Variants in MORF4L1 observed in about 807,000 individuals in gnomAD.
The protein encoded by MORF4L1 is mortality factor 4 like 1.
A neutral mutation model predicts 52.9 loss-of-function variants in MORF4L1; 4 were observed. The ratio of observed to expected loss-of-function variants is 0.08; its 90% CI spans 0.04 to 0.17. The LOEUF is 0.17. MORF4L1 is among the 10% of genes least tolerant of loss of function. The pLI is 1.00. For missense variants in MORF4L1, 214 were observed against 390.4 expected, an observed-to-expected ratio of 0.55 and a Z score of 3.81; for synonymous variants, 123 against 134.8, an observed-to-expected ratio of 0.91 and a Z score of 0.61.
chr15:78,896,308 CTTTTT>C (rs71148578), intron 11 of MORF4L1, among the ~76,000 whole-genome samples: 1 of 81,442 alleles, frequency 1.2e-5, no homozygotes, highest in Non-Finnish European at 2.3e-5. Context: ...CTTTTCTTTT[CTTTTT>C]TTTTTTTTTT....
At chr15:78,873,116 G>T in intron 1 of MORF4L1, 59 bp downstream of exon 1, 1 of 1,547,204 alleles carries the variant, frequency 6.5e-7, no homozygotes. Context: ...AGGCGGGCTC[G>T]AGGTGATTGA....
At chr15:78,885,019 A>G (rs1235918769) in intron 3 of MORF4L1, 4 of 1,614,146 alleles carry the variant, frequency 2.5e-6, no homozygotes, top group South Asian at 1.1e-5. Context: ...ACATGAGGAT[A>G]TTGTAGCCCT....
At position 78,872,916 on chromosome 15, in the gene MORF4L1, C is replaced by A. The variant is rs528099592; in HGVS notation, c.-102C>A. 13 of 1,496,964 alleles carry A rather than the reference C, an allele frequency of 8.7e-6. No homozygotes were observed. The South Asian group carries it at 1.5e-4, about 18-fold the overall frequency. 92.7% of individuals were successfully genotyped at this position (1,496,964 alleles called of 1,614,324 possible). ...AATCCGGCCCAGGATGTAGAGCTGG[C>A]AGTGCCTGACGGCGCGTCTGACGCG... is the stretch of plus-strand genomic sequence containing the variant. On this transcript the variant is annotated 5_prime_UTR_variant, in exon 1 of 12. Transcript: ENST00000426013.
chr15:78,878,798 TA>T (rs754996997), intron 2 of MORF4L1, among the ~76,000 whole-genome samples: 1 of 151,974 alleles, frequency 6.6e-6, no homozygotes, highest in Non-Finnish European at 1.5e-5. Context: ...CATTCCAAAG[TA>T]AAAAAAAGTT....
At chr15:78,884,866 A>G (rs1416663421) in intron 3 of MORF4L1, 1 of 658,934 alleles carries the variant, frequency 1.5e-6, no homozygotes, top group Non-Finnish European at 2.4e-6. Context: ...ATTTGTTGAC[A>G]CACACTTAAA....
At chr15:78,879,941 T>C (rs1057058043) in intron 2 of MORF4L1, among the ~76,000 whole-genome samples, 1 of 152,230 alleles carries the variant, frequency 6.6e-6, no homozygotes, top group Admixed American at 6.5e-5. Flanking sequence ...ATTAAACTGT[T>C]GTGGTTATTT....
At chr15:78,895,973 A>T (rs558683859) in intron 11 of MORF4L1, among the ~76,000 whole-genome samples, 87 of 146,090 alleles carry the variant, frequency 6.0e-4, no homozygotes, top group Non-Finnish European at 1.2e-3. Context: ...TTATGTAATT[A>T]AAAAAAAAAA....
Position 78,878,254 on chromosome 15 carries a change from GCAA to G in MORF4L1, c.83_85del (p.Ala28_Lys29delinsGlu). On this transcript the variant is annotated inframe_deletion and splice_region_variant, in exon 2 of 12. Coordinates refer to ENST00000426013, the MANE Select transcript of MORF4L1 (RefSeq NM_006791.4). Reference sequence around the variant, plus strand: ...CTTTCATGGGCCTCTTCTTTATGAAGCAAAGGTATGAAACTTGTTTTCTTTTGA... The same window carrying G: ...CTTTCATGGGCCTCTTCTTTATGAAGAGGTATGAAACTTGTTTTCTTTTGA... 6.2e-7 allele frequency: 1 copy of G among 1,611,396 alleles called. No homozygotes were observed. Among genetic ancestry groups the G allele is most frequent in the Non-Finnish European group, 8.5e-7 (1 of 1,179,432 alleles).
Position 78,897,086 on chromosome 15 carries a change from T to C in MORF4L1, c.*19T>C. The stretch of plus-strand genomic sequence containing the variant: ...TGTGTGAGAGGCACTCTCACTCACT[T>C]ATGTTTGGATCTCCGTAAACACATT... On this transcript the variant is annotated 3_prime_UTR_variant, in exon 12 of 12. Coordinates refer to ENST00000426013, the MANE Select transcript of MORF4L1 (RefSeq NM_006791.4). 4 of 1,585,154 alleles carry C rather than the reference T, an allele frequency of 2.5e-6. No homozygotes were observed. Among genetic ancestry groups the C allele is most frequent in the South Asian group, 1.1e-5 (1 of 90,336 alleles).
chr15:78,885,791 T>C (rs2056692583), intron 3 of MORF4L1, among the ~76,000 whole-genome samples: 1 of 152,210 alleles, frequency 6.6e-6, no homozygotes, highest in South Asian at 2.1e-4. Context: ...AACTGAGTTT[T>C]TGACTCCTGT....
intron 1 of MORF4L1, among the ~76,000 whole-genome samples, chr15:78,875,359 A>G (rs2056465235): frequency 6.6e-6 from 1 of 152,234 alleles, no homozygotes; most frequent in South Asian, 2.1e-4. Context: ...AGTAGGAACC[A>G]AGGTATCCCC....
chr15:78,887,513 A>T, intron 5 of MORF4L1, 164 bp downstream of exon 5: 1 of 519,768 alleles, frequency 1.9e-6, no homozygotes, highest in Non-Finnish European at 3.4e-6. Context: ...AAAATAACGT[A>T]TTCCTTAATT....
At chr15:78,878,758 T>C (rs988317030) in intron 2 of MORF4L1, among the ~76,000 whole-genome samples, 3 of 152,216 alleles carry the variant, frequency 2.0e-5, no homozygotes, top group Non-Finnish European at 4.4e-5. Flanking sequence ...AAACTGATTT[T>C]ACATTTAGCT....
At chr15:78,892,502 C>A in intron 8 of MORF4L1, 189 bp downstream of exon 8, 1 of 459,414 alleles carries the variant, frequency 2.2e-6, no homozygotes, top group Non-Finnish European at 3.9e-6. Flanking sequence ...TAAAAGTTCA[C>A]ATATAAATTT....
At chr15:78,890,366 A>AT (rs1378649040) in intron 5 of MORF4L1, among the ~76,000 whole-genome samples, 3 of 152,168 alleles carry the variant, frequency 2.0e-5, no homozygotes, top group Non-Finnish European at 4.4e-5. Context: ...TTGGAAAAAA[A>AT]TTTTAACCTT....
At chr15:78,882,649 A>C (rs925343646) in intron 3 of MORF4L1, among the ~76,000 whole-genome samples, 1 of 152,142 alleles carries the variant, frequency 6.6e-6, no homozygotes, top group Non-Finnish European at 1.5e-5. Context: ...GGAGAATTTC[A>C]TTTCTCTACA....
chr15:78,894,509 A>G, intron 10 of MORF4L1: 1 of 372,202 alleles, frequency 2.7e-6, no homozygotes, highest in South Asian at 4.2e-5. Context: ...CCTGGGTTCA[A>G]CAATTCTCCT....
At chr15:78,887,050 G>T (rs545949308) in intron 4 of MORF4L1, among the ~76,000 whole-genome samples, 1 of 152,002 alleles carries the variant, frequency 6.6e-6, no homozygotes, top group African/African-American at 2.4e-5. Flanking sequence ...AATGCTATGA[G>T]AACAGTCTAT....
At chr15:78,888,098 T>C (rs1329592804) in intron 5 of MORF4L1, among the ~76,000 whole-genome samples, 1 of 152,086 alleles carries the variant, frequency 6.6e-6, no homozygotes, top group African/African-American at 2.4e-5. Flanking sequence ...TTGTTAACTC[T>C]AGATTTTAGA....
Sources: allele counts gnomAD v4.1 joint callset (sites outside exome capture counted in the v4.1 genomes callset), GRCh38; gene constraint gnomAD v4.1.1; transcripts MANE v1.5; gene names NCBI Gene and HGNC (gene_info 2026-07-23, HGNC 2026-07-21).